Variants in NRP2 observed in about 807,000 individuals in gnomAD.
NRP2 encodes neuropilin-2.
Under a neutral mutation model 110.4 loss-of-function variants are expected in NRP2, and 52 were observed. The ratio of observed to expected loss-of-function variants is 0.47; its 90% CI spans 0.38 to 0.59. The LOEUF (loss-of-function observed/expected upper bound fraction) is 0.59. Among genes scored for constraint, NRP2 ranks in the 20% least tolerant of loss-of-function variants. The probability of loss-of-function intolerance (pLI) is 0.00; values close to 1 mark genes in which losing one functional copy is unlikely to be tolerated. For missense variants in NRP2, 1,049 were observed against 1,203.0 expected (o/e 0.87, Z 1.89); for synonymous variants, 508 against 468.9 (o/e 1.08, Z -1.08).
At chr2:205,722,172 TACACACACACACACAC>T (rs10646445) in intron 3 of NRP2, 2 of 278,102 alleles carry the variant, frequency 7.2e-6, no homozygotes, top group Non-Finnish European at 1.4e-5. Flanking sequence ...CTCTCTCTCA[TACACACACACACACAC>T]ACACACACAC....
intron 4 of NRP2, among the ~76,000 whole-genome samples, chr2:205,723,216 TCACC>T: frequency 6.6e-6 from 1 of 152,346 alleles, no homozygotes; most frequent in African/African-American, 2.4e-5. Context: ...AAAAGGTACA[TCACC>T]CAAGGCTAAC....
At position 205,685,389 on chromosome 2, in the gene NRP2, C is replaced by A. The variant is rs115193555; in HGVS notation, c.73+2026C>A. Among the ~76,000 whole-genome samples, 1,013 of 139,930 alleles carry A rather than the reference C, an allele frequency of 7.2e-3. 23 individuals are homozygous for A. Among genetic ancestry groups the A allele is most frequent in the African/African-American group, 0.025 (968 of 38,050 alleles). The allele number at this position is 139,930 out of a possible 152,430, so 91.8% of individuals were successfully genotyped here. A position where few individuals can be genotyped will look rare whatever the true frequency, so the allele number is the denominator to read the frequency against. ...GCACTGGCACCCTGGGAGCCGGCAGCGGGTGGCCAGGGCGAGGCCAAGCCA... is the reference window on the plus strand; with the variant it reads ...GCACTGGCACCCTGGGAGCCGGCAGAGGGTGGCCAGGGCGAGGCCAAGCCA... On this transcript the variant is annotated intron_variant, in intron 1 of 16. Coordinates refer to ENST00000357785, the MANE Select transcript of NRP2 (RefSeq NM_003872.3).
At chr2:205,767,274 G>A (rs1003558640) in intron 15 of NRP2, 12 of 356,930 alleles carry the variant, frequency 3.4e-5, no homozygotes, top group Non-Finnish European at 1.1e-5. Context: ...CAGAGCCGAG[G>A]GGCTTCTGTG....
chr2:205,755,434 G>T (rs573315129), intron 12 of NRP2, among the ~76,000 whole-genome samples: 1 of 152,248 alleles, frequency 6.6e-6, no homozygotes, highest in African/African-American at 2.4e-5. Context: ...CTGCCTCCAG[G>T]AAACAAAATC....
intron 15 of NRP2, among the ~76,000 whole-genome samples, chr2:205,786,618 T>C (rs914466162): frequency 1.3e-5 from 2 of 152,222 alleles, no homozygotes; most frequent in African/African-American, 4.8e-5. Flanking sequence ...TTTCAGTGGT[T>C]TCCTGTGTGT....
intron 1 of NRP2, among the ~76,000 whole-genome samples, chr2:205,689,978 G>A (rs2056271285): frequency 1.3e-5 from 2 of 152,188 alleles, no homozygotes; most frequent in East Asian, 1.9e-4. Context: ...AAAAAAAGGA[G>A]GGGCTGGGAA....
rs1042329282 is a variant in NRP2, at chr2:205,726,199, A to C, written c.990+117A>C. ...AGAAAATAAACACAGCATACCTGAGAACTCCATTCATTCATTCATCCAAAC... is the reference window on the plus strand; with the variant it reads ...AGAAAATAAACACAGCATACCTGAGCACTCCATTCATTCATTCATCCAAAC... On this transcript the variant is annotated intron_variant, in intron 6 of 16. Transcript: ENST00000357785. 2.9e-6 allele frequency: 3 copies of C among 1,023,254 alleles called. No homozygotes were observed. In the African/African-American group the frequency reaches 4.8e-5, roughly 16 times the overall value. The allele number at this position is 1,023,254 out of a possible 1,614,324, so 63.4% of individuals were successfully genotyped here.
chr2:205,752,429 G>A (rs2057663038), intron 11 of NRP2: 3 of 304,774 alleles, frequency 9.8e-6, no homozygotes, highest in Non-Finnish European at 1.3e-5. Context: ...TGAGAGCCAG[G>A]TTGGCAGGAG....
chr2:205,683,131 A>G lies in NRP2; in HGVS notation c.-160A>G. The G allele has an allele frequency of 1.6e-6, 1 of 624,144 alleles. No homozygotes were observed. The highest frequency in any genetic ancestry group is 2.8e-5 in the East Asian group (1 of 35,834). The allele number at this position is 624,144 out of a possible 1,614,324, so 38.7% of individuals were successfully genotyped here. ...TGGTGAGGTGGAAATTCCAGCAAGA[A>G]TAGAGGTGAAGACAAGCCACCAGGA... On this transcript the variant is annotated 5_prime_UTR_variant, in exon 1 of 17. Transcript: ENST00000357785.
chr2:205,713,065 G>C (rs569996836), intron 2 of NRP2, among the ~76,000 whole-genome samples: 2 of 152,160 alleles, frequency 1.3e-5, no homozygotes, highest in African/African-American at 4.8e-5. Flanking sequence ...AAGGGATTTG[G>C]GGTGGTCTGT....
chr2:205,752,757 A>G lies in NRP2; in HGVS notation c.1904-78A>G, dbSNP rs569549413. ...GCTCTCCACTCAGGCCTTGCCAGCC[A>G]TTTAAATAGTACCACTGTGGCTGTT... On this transcript the variant is annotated intron_variant, in intron 11 of 16. Coordinates refer to ENST00000357785, the MANE Select transcript of NRP2 (RefSeq NM_003872.3). 24 of 1,518,384 alleles carry G rather than the reference A, an allele frequency of 1.6e-5. No individual in the cohort carries two copies. In the East Asian group the frequency reaches 3.2e-4, roughly 20 times the overall value. 94.1% of individuals were successfully genotyped at this position (1,518,384 alleles called of 1,614,324 possible). A position where few individuals can be genotyped will look rare whatever the true frequency, so the allele number is the denominator to read the frequency against.
chr2:205,748,115 G>A (rs750424066), intron 10 of NRP2, among the ~76,000 whole-genome samples: 46 of 152,082 alleles, frequency 3.0e-4, no homozygotes, highest in Non-Finnish European at 4.9e-4. Flanking sequence ...CCTGCCCTCC[G>A]GTGCCTCATT....
At chr2:205,708,592 G>T (rs1380546572) in intron 2 of NRP2, among the ~76,000 whole-genome samples, 1 of 152,214 alleles carries the variant, frequency 6.6e-6, no homozygotes, top group African/African-American at 2.4e-5. Flanking sequence ...AGATTGGCGG[G>T]GCCCTCACCA....
intron 7 of NRP2, among the ~76,000 whole-genome samples, chr2:205,738,319 C>T (rs900408648): frequency 6.6e-6 from 1 of 152,174 alleles, no homozygotes; most frequent in African/African-American, 2.4e-5. Flanking sequence ...TGGAGGCCCC[C>T]CTGCTGCTGC....
At chr2:205,683,653 A>T (rs2056072387) in intron 1 of NRP2, among the ~76,000 whole-genome samples, 1 of 152,172 alleles carries the variant, frequency 6.6e-6, no homozygotes, top group Non-Finnish European at 1.5e-5. Context: ...AAGGTTTAAA[A>T]ATACTACAAA....
At chr2:205,749,224 C>T (rs965482443) in intron 10 of NRP2, among the ~76,000 whole-genome samples, 10 of 152,324 alleles carry the variant, frequency 6.6e-5, no homozygotes, top group East Asian at 5.8e-4. Flanking sequence ...CTCACAACCA[C>T]GTCTGCTTTC....
chr2:205,748,149 A>G (rs927347939), intron 10 of NRP2, among the ~76,000 whole-genome samples: 3 of 152,074 alleles, frequency 2.0e-5, no homozygotes, highest in Admixed American at 1.3e-4. Context: ...AACATTCTTT[A>G]CACCAATCAG....
At chr2:205,777,150 T>C in intron 15 of NRP2, 1 of 987,156 alleles carries the variant, frequency 1.0e-6, no homozygotes, top group Non-Finnish European at 1.2e-6. Context: ...TTTTGTTGCC[T>C]TATCTAGCTC....
chr2:205,722,415 T>C (rs2057038813), intron 3 of NRP2, 63 bp from the exon 4 acceptor site: 1 of 1,333,670 alleles, frequency 7.5e-7, no homozygotes, highest in East Asian at 2.3e-5. Context: ...AAATAACCCA[T>C]GTGACAGAGG....
Sources: allele counts gnomAD v4.1 joint callset (sites outside exome capture counted in the v4.1 genomes callset), GRCh38; gene constraint gnomAD v4.1.1; transcripts MANE v1.5; gene names NCBI Gene and HGNC (gene_info 2026-07-23, HGNC 2026-07-21).